The following ACOXL variants were observed in gnomAD, a reference collection of about 807,000 sequenced individuals.
ACOXL encodes acyl-coenzyme A oxidase-like protein.
In ACOXL, 70 loss-of-function variants were observed where a neutral mutation model predicts 71.9. The ratio of observed to expected loss-of-function variants is 0.97; its 90% CI spans 0.80 to 1.19. ACOXL has a LOEUF of 1.19. ACOXL is among the 50% of genes most tolerant of loss of function. The pLI, the probability that ACOXL is intolerant of heterozygous loss-of-function variation, is 0.00. For synonymous variants in ACOXL, 253 were observed against 281.6 expected (o/e 0.90, Z 1.02); for missense variants, 703 against 736.3 (o/e 0.95, Z 0.52).
At chr2:110,842,232 G>T (rs184808408) in intron 10 of ACOXL, among the ~76,000 whole-genome samples, 3 of 152,226 alleles carry the variant, frequency 2.0e-5, no homozygotes, top group Admixed American at 6.5e-5. Context: ...CTAGAAAGCT[G>T]GGGGGGAGCC....
At chr2:110,849,453 T>G (rs182377497) in intron 10 of ACOXL, among the ~76,000 whole-genome samples, 87 of 152,136 alleles carry the variant, frequency 5.7e-4, no homozygotes, top group African/African-American at 1.9e-3. Context: ...TTCAAAAAAT[T>G]TTATGGAAAG....
chr2:110,935,587 A>C lies in ACOXL; in HGVS notation c.1059+1945A>C, dbSNP rs1026373638. ...CACCCTGTTAGAGAAGACGCAGTCC[A>C]TGCTGGAATGCCAGCCCCCCAGGCA... is the stretch of plus-strand genomic sequence containing the variant. On this transcript the variant is annotated intron_variant, in intron 12 of 17. Transcript: ENST00000439055. Among the ~76,000 whole-genome samples, 59 of 152,304 alleles carry C rather than the reference A, an allele frequency of 3.9e-4. 2 individuals are homozygous for C. The highest frequency in any genetic ancestry group is 1.3e-3 in the African/African-American group (55 of 41,562).
intron 12 of ACOXL, among the ~76,000 whole-genome samples, chr2:110,938,484 G>A (rs1250587972): frequency 6.6e-6 from 1 of 152,204 alleles, no homozygotes; most frequent in Non-Finnish European, 1.5e-5. Flanking sequence ...CTTCACGTCA[G>A]CTATTCTCAC....
At chr2:111,054,949 C>G (rs2066461139) in intron 16 of ACOXL, among the ~76,000 whole-genome samples, 1 of 152,194 alleles carries the variant, frequency 6.6e-6, no homozygotes, top group Non-Finnish European at 1.5e-5. Context: ...GAATTTTCCA[C>G]ATGACTGCTC....
At chr2:110,927,365 G>A (rs890468185) in intron 11 of ACOXL, among the ~76,000 whole-genome samples, 1 of 152,170 alleles carries the variant, frequency 6.6e-6, no homozygotes, top group African/African-American at 2.4e-5. Context: ...GCTCCCGCAT[G>A]TGGCCCTGGG....
At chr2:110,737,262 CA>C (rs1443510337) in intron 1 of ACOXL, among the ~76,000 whole-genome samples, 3 of 152,266 alleles carry the variant, frequency 2.0e-5, no homozygotes, top group Admixed American at 2.0e-4. Flanking sequence ...CCACTACTCT[CA>C]ATTCTCTTAC....
At chr2:110,940,497 G>A (rs1034551296) in intron 12 of ACOXL, among the ~76,000 whole-genome samples, 7 of 152,156 alleles carry the variant, frequency 4.6e-5, no homozygotes, top group Non-Finnish European at 1.0e-4. Context: ...AGAGATAAAG[G>A]CCTCCAAATG....
chr2:110,789,071 G>A (rs1161728361), intron 3 of ACOXL, among the ~76,000 whole-genome samples: 1 of 152,200 alleles, frequency 6.6e-6, no homozygotes, highest in Non-Finnish European at 1.5e-5. Flanking sequence ...CAGTGGATTT[G>A]CATTTCCCTG....
At chr2:110,997,920 A>G (rs191512403) in intron 14 of ACOXL, among the ~76,000 whole-genome samples, 18 of 152,206 alleles carry the variant, frequency 1.2e-4, no homozygotes, top group African/African-American at 2.9e-4. Context: ...GTGTGGCAGC[A>G]CATTCCTGTA....
intron 12 of ACOXL, among the ~76,000 whole-genome samples, chr2:110,966,039 C>A (rs944007512): frequency 1.3e-5 from 2 of 152,202 alleles, no homozygotes; most frequent in African/African-American, 4.8e-5. Context: ...TAACCATTCT[C>A]CCGACCGCCG....
chr2:110,833,063 TG>T (rs1690037454), intron 9 of ACOXL, among the ~76,000 whole-genome samples: 1 of 152,224 alleles, frequency 6.6e-6, no homozygotes, highest in Non-Finnish European at 1.5e-5. Flanking sequence ...ATTGTACTCC[TG>T]GGGATTTTCC....
At chr2:111,113,384 A>C (rs2070126912) in intron 17 of ACOXL, among the ~76,000 whole-genome samples, 1 of 152,184 alleles carries the variant, frequency 6.6e-6, no homozygotes, top group Admixed American at 6.5e-5. Flanking sequence ...GTTGTCCAGG[A>C]AATGTCAGCA....
At chr2:111,060,593 A>G (rs1009946787) in intron 16 of ACOXL, among the ~76,000 whole-genome samples, 2 of 152,222 alleles carry the variant, frequency 1.3e-5, no homozygotes, top group Non-Finnish European at 2.9e-5. Flanking sequence ...ACCAAAATGC[A>G]TAGTTTTCAA....
At chr2:111,076,535 A>C (rs760034319) in intron 16 of ACOXL, among the ~76,000 whole-genome samples, 4 of 151,828 alleles carry the variant, frequency 2.6e-5, no homozygotes, top group Non-Finnish European at 4.4e-5. Flanking sequence ...TTTATTTTAA[A>C]ATTTGTCTCT....
intron 17 of ACOXL, among the ~76,000 whole-genome samples, chr2:111,097,264 T>C (rs1187392640): frequency 6.6e-6 from 1 of 152,168 alleles, no homozygotes; most frequent in African/African-American, 2.4e-5. Flanking sequence ...TTCTCAGAAA[T>C]AGAAAGTTGC....
chr2:110,853,481 G>A (rs1181381110), intron 10 of ACOXL, among the ~76,000 whole-genome samples: 2 of 152,198 alleles, frequency 1.3e-5, no homozygotes, highest in East Asian at 1.9e-4. Context: ...AGGCTCACAT[G>A]CATGTTGGTT....
At chr2:111,040,858 C>T (rs2149791207) in intron 15 of ACOXL, among the ~76,000 whole-genome samples, 1 of 152,216 alleles carries the variant, frequency 6.6e-6, no homozygotes, top group South Asian at 2.1e-4. Flanking sequence ...GGGTGAACAG[C>T]AGGGTCCCAC....
At position 110,781,950 on chromosome 2, in the gene ACOXL, C is replaced by T. The variant is rs535281203; in HGVS notation, c.76-2782C>T. 4.6e-5 allele frequency among the ~76,000 whole-genome samples: 7 copies of T among 152,274 alleles called. No individual in the cohort carries two copies. The South Asian group carries it at 1.4e-3, about 32-fold the overall frequency. On this transcript the variant is annotated intron_variant, in intron 2 of 17. Transcript: ENST00000439055. ...TCACAATGATCTGTTACATCAAGTG[C>T]TCTACAAAGAAAGGGGAGTATTTTA...
chr2:110,963,490 T>C (rs1012377307), intron 12 of ACOXL: 28 of 1,292,632 alleles, frequency 2.2e-5, no homozygotes, highest in Non-Finnish European at 2.7e-5. Flanking sequence ...TGTTTACCTC[T>C]TTTCAATTTT....
Sources: allele counts gnomAD v4.1 joint callset (sites outside exome capture counted in the v4.1 genomes callset), GRCh38; gene constraint gnomAD v4.1.1; transcripts MANE v1.5; gene names NCBI Gene and HGNC (gene_info 2026-07-23, HGNC 2026-07-21).